BRPF3: variants seen among roughly 807,000 people sequenced by gnomAD.
BRPF3 encodes the protein bromodomain and PHD finger-containing protein 3.
In BRPF3, 18 loss-of-function variants were observed where a neutral mutation model predicts 102.0. The ratio of observed to expected loss-of-function variants is 0.18; its 90% confidence interval spans 0.12 to 0.26. The LOEUF (loss-of-function observed/expected upper bound fraction) is 0.26, where lower values mean the gene tolerates loss of function less well. BRPF3 is among the 10% of genes least tolerant of loss of function. The pLI is 1.00. For missense variants in BRPF3, 1,147 were observed against 1,567.8 expected, an observed-to-expected ratio of 0.73 and a Z score of 4.53; for synonymous variants, 570 against 614.2, an observed-to-expected ratio of 0.93 and a Z score of 1.06.
chr6:36,202,395 A>T (rs1287819545), intron 2 of BRPF3, among the ~76,000 whole-genome samples: 1 of 149,210 alleles, frequency 6.7e-6, no homozygotes, highest in Non-Finnish European at 1.5e-5. Context: ...TCAGCTGTGT[A>T]GCTAAGCTCT....
At chr6:36,209,114 A>G (rs1054094533) in intron 4 of BRPF3, among the ~76,000 whole-genome samples, 5 of 152,204 alleles carry the variant, frequency 3.3e-5, no homozygotes, top group African/African-American at 4.8e-5. Context: ...CTCCTTCATC[A>G]TGCTGTCTCT....
rs763547143 is a variant in BRPF3 at position 36,210,325 on chromosome 6, A to G, written c.1976A>G (p.Asn659Ser). The stretch of plus-strand genomic sequence containing the variant: ...TTGGAGGAGTTTGAGGAGGACTTTA[A>G]CCTTATAGTTACCAACTGCATGAAG... ...RTLEEFEEDF[N>S]LIVTNCMKYN... is the part of the protein sequence containing the mutation. Residue 659 changes from asparagine (N) to serine (S), a missense_variant, in exon 6 of 13, where the codon AAC (asparagine) becomes AGC (serine). Coordinates refer to ENST00000357641, the MANE Select transcript of BRPF3 (RefSeq NM_015695.3). This position sits in a 1 kb window ranked among gnomAD's most constrained non-coding sequence, Gnocchi z 4.7. 1.9e-6 allele frequency: 3 copies of G among 1,614,200 alleles called. No homozygotes were observed. Among genetic ancestry groups the G allele is most frequent in the Non-Finnish European group, 8.5e-7 (1 of 1,180,036 alleles).
intron 11 of BRPF3, 147 bp from the exon 12 acceptor site, chr6:36,228,755 G>GTT: frequency 1.1e-6 from 1 of 893,944 alleles, no homozygotes. Flanking sequence ...GGAGGAAGGG[G>GTT]TTTGCCTGTC....
chr6:36,211,443 C>A lies in BRPF3; in HGVS notation c.2365C>A (p.Gln789Lys), dbSNP rs1297940152. The A allele has an allele frequency of 6.2e-7, 1 of 1,609,250 alleles. No individual in the cohort carries two copies. The highest frequency in any genetic ancestry group is 1.7e-5 in the Admixed American group (1 of 59,370). ...RQKLAQPPPP[Q>K]PPSLNKTVSN... ...GAAGCTGGCACAGCCACCACCACCACAGCCACCATCACTCAACAAGACAGT... is the reference window on the plus strand; with the variant it reads ...GAAGCTGGCACAGCCACCACCACCAAAGCCACCATCACTCAACAAGACAGT... The change falls in exon 7 of 13, where the codon CAG (glutamine) becomes AAG (lysine). Residue 789 changes from glutamine (Q) to lysine (K), a missense_variant. Physicochemically the swap from Gln to Lys is moderately conservative, Grantham distance 53 (BLOSUM62 1). Coordinates refer to ENST00000357641, the MANE Select transcript of BRPF3 (RefSeq NM_015695.3).
At chr6:36,199,612 A>G (rs1236114349) in intron 1 of BRPF3, among the ~76,000 whole-genome samples, 1 of 152,174 alleles carries the variant, frequency 6.6e-6, no homozygotes, top group Non-Finnish European at 1.5e-5. Context: ...CCCATTGTTC[A>G]CGTACAGAGC....
Position 36,200,291 on chromosome 6 carries a change from C to T in BRPF3, c.-26-6C>T, listed in dbSNP as rs1767645782. On this transcript the variant is annotated splice_region_variant and splice_polypyrimidine_tract_variant and intron_variant, in intron 1 of 12. Coordinates refer to ENST00000357641, the MANE Select transcript of BRPF3 (RefSeq NM_015695.3). This position sits in a 1 kb window ranked among gnomAD's most constrained non-coding sequence, Gnocchi z 5.3. ...AACTCATAGTCTCCTGGCCTTCTCT[C>T]CTTAGGCCTGTCCCCTCAGTTCCCA... 1 of 1,598,084 alleles carries T rather than the reference C, an allele frequency of 6.3e-7. No individual in the cohort carries two copies. The highest frequency in any genetic ancestry group is 8.5e-7 in the Non-Finnish European group (1 of 1,172,240).
rs780679560 is a variant in BRPF3, at chr6:36,230,863, T to C, written c.*254T>C. 1.4e-4 allele frequency: 72 copies of C among 496,620 alleles called. No homozygotes were observed. Among genetic ancestry groups the C allele is most frequent in the African/African-American group, 1.3e-3 (68 of 51,594 alleles). The allele number at this position is 496,620 out of a possible 1,614,324, so 30.8% of individuals were successfully genotyped here. ...ATTTCACTGAAGAACCAGTTAGAAG[T>C]AGAAACAGCTGTGGGGCTTGGGCCC... On this transcript the variant is annotated 3_prime_UTR_variant, in exon 13 of 13. Transcript: ENST00000357641. The surrounding 1 kb of genome is among the most constrained non-coding windows in gnomAD (Gnocchi z 5.4).
chr6:36,223,914 G>A (rs1052377975), intron 10 of BRPF3, among the ~76,000 whole-genome samples: 3 of 152,150 alleles, frequency 2.0e-5, no homozygotes, highest in African/African-American at 7.2e-5. Flanking sequence ...CATTCCATAA[G>A]GATGGGTTTG....
At chr6:36,223,327 T>C (rs1768617311) in intron 10 of BRPF3, among the ~76,000 whole-genome samples, 1 of 152,242 alleles carries the variant, frequency 6.6e-6, no homozygotes, top group Non-Finnish European at 1.5e-5. Flanking sequence ...TTTCTGTAAC[T>C]GTCAGTTCCC....
intron 1 of BRPF3, chr6:36,197,745 C>T (rs1416516947): frequency 6.6e-6 from 1 of 152,112 alleles, no homozygotes; most frequent in Non-Finnish European, 1.5e-5. Context: ...CCAAAAAACT[C>T]GTCTAGACTG....
At chr6:36,197,270 A>G (rs1019179219) in intron 1 of BRPF3, 1 of 150,428 alleles carries the variant, frequency 6.6e-6, no homozygotes, top group Non-Finnish European at 1.5e-5. Context: ...TGGCCAGACG[A>G]GAGTCCCGCC....
rs1767673343 is a variant in BRPF3, at chr6:36,200,870, C to T, written c.548C>T (p.Thr183Ile). ...VDGHSLVSAD[T>I]FELLVDRLEK... ...GGGCACAGTTTGGTGTCTGCAGATA[C>T]CTTTGAGCTGCTGGTAGACCGGCTT... The change falls in exon 2 of 13, where the codon ACC becomes ATC. Residue 183 changes from threonine to isoleucine, a missense_variant. By Grantham distance (89) the Thr-to-Ile change is moderately conservative. This residue lies in a region of BRPF3 where 221 missense variants were observed against 337.1 expected (regional missense o/e 0.66). Transcript: ENST00000357641. The surrounding 1 kb of genome is among the most constrained non-coding windows in gnomAD (Gnocchi z 5.3). 3 of 1,614,156 alleles carry T rather than the reference C, an allele frequency of 1.9e-6. No homozygotes were observed. Among genetic ancestry groups the T allele is most frequent in the African/African-American group, 1.3e-5 (1 of 75,032 alleles).
rs926154121 is a variant in BRPF3, at chr6:36,201,943, C to T, written c.1448+173C>T. 6.6e-6 allele frequency among the ~76,000 whole-genome samples: 1 copy of T among 152,138 alleles called. No individual in the cohort carries two copies. Among genetic ancestry groups the T allele is most frequent in the African/African-American group, 2.4e-5 (1 of 41,424 alleles). The stretch of plus-strand genomic sequence containing the variant: ...GCCTGGTTTGTGGTTTTGATTTTGC[C>T]CTCAGAGTAATGTATTTCCTTTAGT... On this transcript the variant is annotated intron_variant, in intron 2 of 12. Transcript: ENST00000357641. This position sits in a 1 kb window ranked among gnomAD's most constrained non-coding sequence, Gnocchi z 5.1.
intron 10 of BRPF3, 81 bp from the exon 11 acceptor site, chr6:36,225,186 A>G (rs1231118599): frequency 3.4e-6 from 4 of 1,173,698 alleles, no homozygotes; most frequent in Non-Finnish European, 5.0e-6. Context: ...TGCCCCAGTC[A>G]AGTGGAGGCC....
Position 36,200,207 on chromosome 6 carries a change from C to T in BRPF3, c.-26-90C>T. 1 of 1,412,134 alleles carries T rather than the reference C, an allele frequency of 7.1e-7. No homozygotes were observed. The highest frequency in any genetic ancestry group is 1.4e-5 in the African/African-American group (1 of 69,288). 87.5% of individuals were successfully genotyped at this position (1,412,134 alleles called of 1,614,324 possible). ...AAGTTGTTCAGACAGAGGGAAAAGC[C>T]AGTCCTCTTGGTGGATGCTTGATCA... On this transcript the variant is annotated intron_variant, in intron 1 of 12. Coordinates refer to ENST00000357641, the MANE Select transcript of BRPF3 (RefSeq NM_015695.3). The surrounding 1 kb of genome is among the most constrained non-coding windows in gnomAD (Gnocchi z 5.3).
intron 4 of BRPF3, among the ~76,000 whole-genome samples, chr6:36,208,637 C>G (rs949381018): frequency 2.4e-4 from 36 of 152,202 alleles, no homozygotes; most frequent in African/African-American, 7.7e-4. Context: ...GAGGACATCT[C>G]AGGACCTTCT....
At position 36,201,033 on chromosome 6, in the gene BRPF3, G is replaced by A. The variant is rs750614880; in HGVS notation, c.711G>A (p.Leu237=). The A allele has an allele frequency of 2.5e-6, 4 of 1,614,028 alleles. No homozygotes were observed. In the Admixed American group the frequency reaches 5.0e-5, roughly 20 times the overall value. The change falls in exon 2 of 13, where the codon CTG becomes CTA. Residue 237 remains leucine, a synonymous_variant. Coordinates refer to ENST00000357641, the MANE Select transcript of BRPF3 (RefSeq NM_015695.3). This position sits in a 1 kb window ranked among gnomAD's most constrained non-coding sequence, Gnocchi z 5.1. ...TTCTCTTCTGTGACATCTGCAACCT[G>A]GCTGTACACCAGGAGTGCTATGGCG... The part of the protein sequence containing the change: ...NVILFCDICN[L]AVHQECYGVP...
chr6:36,212,735 T>G (rs111361403), intron 7 of BRPF3, among the ~76,000 whole-genome samples: 6 of 151,180 alleles, frequency 4.0e-5, no homozygotes, highest in Non-Finnish European at 3.0e-5. Flanking sequence ...GGGTGGATCA[T>G]GAGGTCAGGA....
rs768026645 is a variant in BRPF3 at position 36,201,116 on chromosome 6, G to A, written c.794G>A (p.Arg265Gln). 1.2e-5 allele frequency: 19 copies of A among 1,614,076 alleles called. No homozygotes were observed. The highest frequency in any genetic ancestry group is 1.5e-5 in the Non-Finnish European group (18 of 1,180,006). The change falls in exon 2 of 13, where the codon CGG becomes CAG. Residue 265 changes from arginine (R) to glutamine (Q), a missense_variant. Arg to Gln is a conservative substitution (Grantham distance 43). This residue lies in a region of BRPF3 where 221 missense variants were observed against 337.1 expected (regional missense o/e 0.66). Transcript: ENST00000357641. The surrounding 1 kb of genome is among the most constrained non-coding windows in gnomAD (Gnocchi z 5.1). ...LCRCCLQSPS[R>Q]PVDCILCPNK... is the part of the protein sequence containing the mutation. Reference sequence around the variant, plus strand: ...CGCTGCTGCCTGCAGTCTCCCTCCCGGCCTGTGGATTGCATCCTTTGCCCC... The same window carrying A: ...CGCTGCTGCCTGCAGTCTCCCTCCCAGCCTGTGGATTGCATCCTTTGCCCC...
Sources: allele counts gnomAD v4.1 joint callset (sites outside exome capture counted in the v4.1 genomes callset), GRCh38; gene constraint gnomAD v4.1.1; regional missense constraint gnomAD v4.1.1; non-coding constraint Gnocchi (gnomAD v3.1); transcripts MANE v1.5; gene names NCBI Gene and HGNC (gene_info 2026-07-23, HGNC 2026-07-21).